The following CASP4 variants were observed in gnomAD, a reference collection of about 807,000 sequenced individuals.
CASP4 encodes caspase 4.
CASP4 carries 29 observed loss-of-function variants against 41.3 expected under a neutral mutation model. That is an observed-to-expected ratio of 0.70 (90% confidence interval 0.52 to 0.96). The LOEUF is 0.96. Among genes scored for constraint, CASP4 ranks in the 40% least tolerant of loss-of-function variants. CASP4 has a pLI of 0.00. For synonymous variants in CASP4, 185 were observed against 158.4 expected, an observed-to-expected ratio of 1.17 and a Z score of -1.26; for missense variants, 447 against 460.6, an observed-to-expected ratio of 0.97 and a Z score of 0.27.
chr11:104,953,762 G>T (rs1860671461), intron 2 of CASP4, among the ~76,000 whole-genome samples: 1 of 152,022 alleles, frequency 6.6e-6, no homozygotes, highest in African/African-American at 2.4e-5. Context: ...ATTCTGGGGG[G>T]TATTGAGTCT....
chr11:104,945,980 G>A (rs751078825), intron 7 of CASP4, among the ~76,000 whole-genome samples: 1 of 152,008 alleles, frequency 6.6e-6, no homozygotes, highest in South Asian at 2.1e-4. Flanking sequence ...CAGGTAGCTC[G>A]GATTACAGGT....
At chr11:104,950,826 A>ACACACAC in intron 4 of CASP4, 99 bp downstream of exon 4, 143 of 1,119,002 alleles carry the variant, frequency 1.3e-4, no homozygotes, top group Non-Finnish European at 1.4e-4. Flanking sequence ...ACACACACCC[A>ACACACAC]AAGGTTGTTA....
rs1860481342 is a variant in CASP4 at position 104,947,113 on chromosome 11, C to T, written c.1005G>A (p.Trp335Ter). ...QLITCFQKYS[W>*]CCHLEEVFRK... The stretch of plus-strand genomic sequence containing the variant: ...GAAATACTTCCTCTAGGTGGCAGCA[C>T]CAAGAATATTTCTGGAAGCATGTGA... The change falls in exon 7 of 9, where the codon TGG (tryptophan) becomes TGA (stop). Residue 335 changes from tryptophan to a stop codon, truncating the protein, a stop_gained. Transcript: ENST00000444739. LOFTEE classifies it high-confidence loss of function. 6.2e-7 allele frequency: 1 copy of T among 1,611,980 alleles called. No individual in the cohort carries two copies. The highest frequency in any genetic ancestry group is 1.7e-5 in the Admixed American group (1 of 59,932).
intron 1 of CASP4, among the ~76,000 whole-genome samples, chr11:104,963,768 A>G (rs191583093): frequency 1.1e-3 from 162 of 152,292 alleles, no homozygotes; most frequent in African/African-American, 3.8e-3. Context: ...AATGCAGGTT[A>G]GAAGCACTGC....
At chr11:104,959,527 G>T (rs971917569) in intron 1 of CASP4, among the ~76,000 whole-genome samples, 10 of 152,144 alleles carry the variant, frequency 6.6e-5, no homozygotes, top group Non-Finnish European at 1.5e-4. Flanking sequence ...ATGCTTAAAA[G>T]AATAAATAAA....
chr11:104,953,703 A>G (rs1197659756), intron 2 of CASP4, among the ~76,000 whole-genome samples: 2 of 152,124 alleles, frequency 1.3e-5, no homozygotes, highest in Non-Finnish European at 2.9e-5. Context: ...ATCACTATTT[A>G]TCATTATTGG....
chr11:104,943,295 C>T, intron 8 of CASP4: 2 of 262,916 alleles, frequency 7.6e-6, no homozygotes, highest in South Asian at 8.5e-5. Context: ...GCCATTTTCT[C>T]CACTCACGTT....
In CASP4 at chr11:104,954,992, T is replaced by A. The variant is rs747870694; in HGVS notation, c.17A>T (p.His6Leu). The change falls in exon 2 of 9, where the codon CAC becomes CTC. Residue 6 changes from histidine (H) to leucine (L), a missense_variant. Coordinates refer to ENST00000444739, the MANE Select transcript of CASP4 (RefSeq NM_001225.4). ...CAACACCTTAAGTGGCTTTTTTCTG[T>A]GGTTGCCTTCTGTTAGAAATAGAAA... MAEGNHRKKPLKVLES... is the reference protein window; with the variant it reads MAEGNLRKKPLKVLES... 4.3e-6 allele frequency: 7 copies of A among 1,612,560 alleles called. No homozygotes were observed. Among genetic ancestry groups the A allele is most frequent in the Non-Finnish European group, 5.1e-6 (6 of 1,179,426 alleles).
At position 104,957,357 on chromosome 11, in the gene CASP4, G is replaced by A. The variant is rs191261411; in HGVS notation, c.8-2356C>T. On this transcript the variant is annotated intron_variant, in intron 1 of 8. Transcript: ENST00000444739. The stretch of plus-strand genomic sequence containing the variant: ...CCGAGTAGGTAAAAAACAAGTACAC[G>A]TAAAAGTATAAAACTTCAACCCGAT... 1.5e-3 allele frequency among the ~76,000 whole-genome samples: 232 copies of A among 152,160 alleles called. 1 individual carries two copies. Among genetic ancestry groups the A allele is most frequent in the African/African-American group, 5.2e-3 (218 of 41,546 alleles).
chr11:104,945,191 C>G (rs1301944442), intron 7 of CASP4, among the ~76,000 whole-genome samples: 1 of 151,888 alleles, frequency 6.6e-6, no homozygotes, highest in East Asian at 1.9e-4. Context: ...TCTGTACTTT[C>G]AACACTCACC....
At chr11:104,953,245 G>T (rs372556070) in intron 2 of CASP4, among the ~76,000 whole-genome samples, 2 of 152,048 alleles carry the variant, frequency 1.3e-5, no homozygotes, top group African/African-American at 4.8e-5. Flanking sequence ...TCCTGGGATT[G>T]CTCTGGAGAC....
chr11:104,944,364 CTCTCTGTG>C (rs769029562), intron 8 of CASP4: 131 of 100,940 alleles, frequency 1.3e-3, no homozygotes, highest in South Asian at 3.2e-3. Context: ...CTCTCTCTCT[CTCTCTGTG>C]TGTGTGTGTG....
At position 104,962,443 on chromosome 11, in the gene CASP4, G is replaced by A. The variant is rs142907911; in HGVS notation, c.7+6076C>T. Among the ~76,000 whole-genome samples the A allele has an allele frequency of 7.3e-3, 1,106 of 152,270 alleles. 16 individuals are homozygous for A. The highest frequency in any genetic ancestry group is 0.026 in the African/African-American group (1,062 of 41,556). ...ACTAGTCTTAGCCTATAGCAAATCT[G>A]GTGTATTTTTGCTAAGAATTTGTCT... On this transcript the variant is annotated intron_variant, in intron 1 of 8. Coordinates refer to ENST00000444739, the MANE Select transcript of CASP4 (RefSeq NM_001225.4).
At chr11:104,964,792 C>T (rs1860936626) in intron 1 of CASP4, among the ~76,000 whole-genome samples, 1 of 152,178 alleles carries the variant, frequency 6.6e-6, no homozygotes, top group Non-Finnish European at 1.5e-5. Context: ...ATTTACCCAA[C>T]TCATAGGTAT....
At chr11:104,958,275 G>A (rs1040155774) in intron 1 of CASP4, among the ~76,000 whole-genome samples, 1 of 152,006 alleles carries the variant, frequency 6.6e-6, no homozygotes, top group Non-Finnish European at 1.5e-5. Flanking sequence ...GCTAAAATAT[G>A]CAAATGAAAT....
At chr11:104,964,516 AG>A (rs1860931256) in intron 1 of CASP4, among the ~76,000 whole-genome samples, 1 of 152,240 alleles carries the variant, frequency 6.6e-6, no homozygotes, top group South Asian at 2.1e-4. Context: ...TAATTCCATA[AG>A]CACAATAAAA....
At position 104,951,965 on chromosome 11, in the gene CASP4, T is replaced by C; in HGVS notation, c.303A>G (p.Glu101=). ...GACAAAGCTTGAGGGCATCTGTAGA[T>C]TCTCCTGACTCAGGTGGTCCAGCCT... ...NMEAGPPESG[E]STDALKLCPH... is the part of the protein sequence containing the mutation. The change falls in exon 3 of 9, where the codon GAA becomes GAG. Residue 101 remains glutamate (E), a synonymous_variant. Coordinates refer to ENST00000444739, the MANE Select transcript of CASP4 (RefSeq NM_001225.4). 6.2e-7 allele frequency: 1 copy of C among 1,612,906 alleles called. No individual in the cohort carries two copies. The highest frequency in any genetic ancestry group is 1.1e-5 in the South Asian group (1 of 91,064).
chr11:104,966,896 A>G (rs908698386), intron 1 of CASP4, among the ~76,000 whole-genome samples: 1 of 152,196 alleles, frequency 6.6e-6, no homozygotes, highest in African/African-American at 2.4e-5. Flanking sequence ...AAATAATAGC[A>G]CAACTGTATT....
rs767355705 is a variant in CASP4, at chr11:104,951,885, T to C, written c.372+11A>G. ...TTCTTTTTTTTCTATTTCATATAGA[T>C]AGCATAGCACCTCTTCAGCTCTTTC... On this transcript the variant is annotated intron_variant, in intron 3 of 8. Transcript: ENST00000444739. The C allele has an allele frequency of 3.9e-6, 6 of 1,530,068 alleles. No homozygotes were observed. Among genetic ancestry groups the C allele is most frequent in the South Asian group, 1.1e-5 (1 of 89,418 alleles). The allele number at this position is 1,530,068 out of a possible 1,614,324, so 94.8% of individuals were successfully genotyped here. A position where few individuals can be genotyped will look rare whatever the true frequency, so the allele number is the denominator to read the frequency against.
Sources: allele counts gnomAD v4.1 joint callset (sites outside exome capture counted in the v4.1 genomes callset), GRCh38; gene constraint gnomAD v4.1.1; transcripts MANE v1.5; gene names NCBI Gene and HGNC (gene_info 2026-07-23, HGNC 2026-07-21).